VAV2: variants seen among roughly 807,000 people sequenced by gnomAD.
VAV2 encodes the protein vav guanine nucleotide exchange factor 2, also known as guanine nucleotide exchange factor VAV2.
VAV2 carries 67 observed loss-of-function variants against 132.5 expected under a neutral mutation model. That is an observed-to-expected ratio of 0.51 (90% CI 0.42 to 0.62). The LOEUF is 0.62. VAV2 is among the 20% of genes least tolerant of loss of function. The probability of loss-of-function intolerance (pLI) is 0.00; values close to 1 mark genes in which losing one functional copy is unlikely to be tolerated. For synonymous variants in VAV2, 492 were observed against 443.5 expected (o/e 1.11, Z -1.37); for missense variants, 938 against 1,153.6 (o/e 0.81, Z 2.71).
intron 1 of VAV2, among the ~76,000 whole-genome samples, chr9:133,954,684 T>C (rs931422594): frequency 3.3e-5 from 5 of 152,184 alleles, no homozygotes; most frequent in African/African-American, 1.2e-4. Context: ...TGTGTCCTCA[T>C]GTGTATGCGT....
rs1166476697 is a variant in VAV2 at position 133,969,548 on chromosome 9, G to C, written c.204+22527C>G. On this transcript the variant is annotated intron_variant, in intron 1 of 29. Coordinates refer to ENST00000371850, the MANE Select transcript of VAV2 (RefSeq NM_001134398.2). This position sits in a 1 kb window ranked among gnomAD's most constrained non-coding sequence, Gnocchi z 5.1. ...AGCTGAAACACCCCAACCCTGACCA[G>C]AGCGGATTCCAGGAAGGCTGCTGGG... Among the ~76,000 whole-genome samples, 1 of 152,032 alleles carries C rather than the reference G, an allele frequency of 6.6e-6. No individual in the cohort carries two copies. The highest frequency in any genetic ancestry group is 2.4e-5 in the African/African-American group (1 of 41,402).
intron 29 of VAV2, among the ~76,000 whole-genome samples, chr9:133,767,368 G>C (rs1317479483): frequency 2.6e-5 from 4 of 152,146 alleles, no homozygotes; most frequent in Non-Finnish European, 5.9e-5. Context: ...CCAGAGAAAA[G>C]AAAAGACGTT....
At chr9:133,793,788 C>A (rs566681498) in intron 12 of VAV2, among the ~76,000 whole-genome samples, 1 of 152,126 alleles carries the variant, frequency 6.6e-6, no homozygotes, top group Non-Finnish European at 1.5e-5. Context: ...CACAGCGGCA[C>A]GGGGGCTGAT....
At chr9:133,901,675 C>T (rs1159520568) in intron 2 of VAV2, among the ~76,000 whole-genome samples, 1 of 152,240 alleles carries the variant, frequency 6.6e-6, no homozygotes, top group Non-Finnish European at 1.5e-5. Context: ...GGCCTGGTGA[C>T]TCTACCTAGG....
At chr9:133,979,896 C>A (rs1281445578) in intron 1 of VAV2, among the ~76,000 whole-genome samples, 1 of 152,238 alleles carries the variant, frequency 6.6e-6, no homozygotes, top group Non-Finnish European at 1.5e-5. Flanking sequence ...CTGCCTTCTG[C>A]CTGCCTTCTC....
In VAV2 at chr9:133,788,464, C is replaced by T. The variant is rs1834323592; in HGVS notation, c.1297G>A (p.Val433Met). 1 of 1,610,338 alleles carries T rather than the reference C, an allele frequency of 6.2e-7. No individual in the cohort carries two copies. The highest frequency in any genetic ancestry group is 8.5e-7 in the Non-Finnish European group (1 of 1,176,942). The change falls in exon 15 of 30, where the codon GTG becomes ATG. Residue 433 changes from valine (V) to methionine (M), a missense_variant. Transcript: ENST00000371850. This position sits in a 1 kb window ranked among gnomAD's most constrained non-coding sequence, Gnocchi z 5.3. The stretch of plus-strand genomic sequence containing the variant: ...CCCTTCCGCTTGCAGACGATGACCA[C>T]CTTGTCAAACAGGAACAAGTACCTG... ...QDRYLFLFDK[V>M]VIVCKRKGYS... is the part of the protein sequence containing the mutation.
intron 9 of VAV2, among the ~76,000 whole-genome samples, chr9:133,801,509 C>T (rs983781966): frequency 2.6e-5 from 4 of 152,186 alleles, no homozygotes; most frequent in African/African-American, 9.6e-5. Flanking sequence ...GAAGGACACT[C>T]GAGGGGCCCG....
At chr9:133,894,034 C>A (rs899260511) in intron 2 of VAV2, among the ~76,000 whole-genome samples, 6 of 152,226 alleles carry the variant, frequency 3.9e-5, no homozygotes, top group Non-Finnish European at 7.3e-5. Flanking sequence ...AGCATGACAT[C>A]CACCCCACAG....
intron 8 of VAV2, among the ~76,000 whole-genome samples, chr9:133,806,448 C>T (rs7874464): frequency 5.9e-5 from 9 of 152,196 alleles, no homozygotes; most frequent in Non-Finnish European, 1.2e-4. Flanking sequence ...GCGGCCGACT[C>T]GGGGCGGGCT....
chr9:133,852,173 G>A (rs2131841562), intron 3 of VAV2, among the ~76,000 whole-genome samples: 1 of 152,158 alleles, frequency 6.6e-6, no homozygotes, highest in Admixed American at 6.5e-5. Flanking sequence ...TGGGTGGGTA[G>A]ATGTAGCGAT....
In VAV2 at chr9:133,842,267, G is replaced by A. The variant is rs567748546; in HGVS notation, c.381-7927C>T. Among the ~76,000 whole-genome samples, 14 of 152,340 alleles carry A rather than the reference G, an allele frequency of 9.2e-5. No individual in the cohort carries two copies. The East Asian group carries it at 2.5e-3, about 27-fold the overall frequency. ...GAAAGAAAGTGGAACCCGACTCACAGAAGAGAAGGCCCCGCACGGTGACTG... is the reference window on the plus strand; with the variant it reads ...GAAAGAAAGTGGAACCCGACTCACAAAAGAGAAGGCCCCGCACGGTGACTG... On this transcript the variant is annotated intron_variant, in intron 3 of 29. Coordinates refer to ENST00000371850, the MANE Select transcript of VAV2 (RefSeq NM_001134398.2).
chr9:133,807,197 G>A (rs1835182286), intron 8 of VAV2, 61 bp downstream of exon 8: 2 of 1,558,748 alleles, frequency 1.3e-6, no homozygotes, highest in Non-Finnish European at 1.7e-6. Context: ...CAGGACATGT[G>A]TGGCCAGTGC....
intron 1 of VAV2, among the ~76,000 whole-genome samples, chr9:133,977,366 G>A (rs145889275): frequency 6.6e-6 from 1 of 152,310 alleles, no homozygotes; most frequent in Middle Eastern, 3.4e-3. Context: ...GGGCCTAGGG[G>A]AGGGAGGCAC....
chr9:133,986,877 A>G (rs1159939735), intron 1 of VAV2, among the ~76,000 whole-genome samples: 1 of 151,964 alleles, frequency 6.6e-6, no homozygotes, highest in Admixed American at 6.6e-5. Flanking sequence ...CACCTCATCA[A>G]CATCCACTGG....
chr9:133,986,178 C>T (rs950592960), intron 1 of VAV2, among the ~76,000 whole-genome samples: 2 of 152,210 alleles, frequency 1.3e-5, no homozygotes, highest in African/African-American at 4.8e-5. Flanking sequence ...AGTAACTAAA[C>T]AGAACATCAC....
intron 3 of VAV2, among the ~76,000 whole-genome samples, chr9:133,838,879 ATGGG>A (rs1836595249): frequency 9.8e-6 from 1 of 102,406 alleles, no homozygotes; most frequent in Non-Finnish European, 1.9e-5. Context: ...GGATGGATAG[ATGGG>A]TGGGTGGGTG....
intron 4 of VAV2, among the ~76,000 whole-genome samples, chr9:133,813,707 A>G (rs1052774883): frequency 2.0e-5 from 3 of 152,196 alleles, no homozygotes; most frequent in African/African-American, 7.2e-5. Context: ...TTTCTGCACC[A>G]CTACAGTCGT....
intron 2 of VAV2, among the ~76,000 whole-genome samples, chr9:133,933,787 C>T (rs148784784): frequency 1.6e-3 from 128 of 80,904 alleles, no homozygotes; most frequent in Middle Eastern, 0.016. Context: ...GATGGATGGA[C>T]GGATGGTGGA....
chr9:133,778,957 C>T lies in VAV2; in HGVS notation c.1763-68G>A, dbSNP rs1833911125. ...CTCGGTGACTGACTTGGCCCCGGCCCGCAGCCCACCCCATCACCAAGCTCG... is the reference window on the plus strand; with the variant it reads ...CTCGGTGACTGACTTGGCCCCGGCCTGCAGCCCACCCCATCACCAAGCTCG... On this transcript the variant is annotated intron_variant, in intron 21 of 29. Coordinates refer to ENST00000371850, the MANE Select transcript of VAV2 (RefSeq NM_001134398.2). 3.8e-6 allele frequency: 6 copies of T among 1,575,902 alleles called. No homozygotes were observed. The Admixed American group carries it at 5.1e-5, about 13-fold the overall frequency.
Sources: gnomAD v4.1 joint callset for allele counts (sites outside exome capture counted in the v4.1 genomes callset) on GRCh38, gnomAD v4.1.1 for gene constraint, Gnocchi (gnomAD v3.1) non-coding constraint, MANE v1.5 for transcripts, NCBI Gene and HGNC (gene_info 2026-07-23, HGNC 2026-07-21) for gene names.